The following RASGRF1 variants were observed in gnomAD, a reference collection of about 807,000 sequenced individuals.
RASGRF1 encodes ras-specific guanine nucleotide-releasing factor 1.
In RASGRF1, 40 loss-of-function variants were observed where a neutral mutation model predicts 138.7. The observed-to-expected ratio is 0.29, with a 90% CI of 0.22 to 0.38. The LOEUF (loss-of-function observed/expected upper bound fraction) is 0.38. Among genes scored for constraint, RASGRF1 ranks in the 10% least tolerant of loss-of-function variants. The probability of loss-of-function intolerance (pLI) is 1.00; values close to 1 mark genes in which losing one functional copy is unlikely to be tolerated. For synonymous variants in RASGRF1, 614 were observed against 663.2 expected, an observed-to-expected ratio of 0.93 and a Z score of 1.14; for missense variants, 1,108 against 1,650.4, an observed-to-expected ratio of 0.67 and a Z score of 5.69.
intron 2 of RASGRF1, among the ~76,000 whole-genome samples, chr15:79,062,794 T>A (rs1167906840): frequency 6.6e-6 from 1 of 152,150 alleles, no homozygotes; most frequent in Non-Finnish European, 1.5e-5. Context: ...TTTGCCCACT[T>A]TGGCCTCCTA....
intron 19 of RASGRF1, 105 bp from the exon 20 acceptor site, chr15:78,995,905 T>C (rs1421915290): frequency 9.3e-7 from 1 of 1,071,166 alleles, no homozygotes; most frequent in African/African-American, 1.6e-5. Context: ...CCCTCTGTCC[T>C]CGTCATCCCC....
At chr15:79,085,173 T>C (rs569874995) in intron 1 of RASGRF1, among the ~76,000 whole-genome samples, 2 of 152,348 alleles carry the variant, frequency 1.3e-5, no homozygotes, top group South Asian at 4.1e-4. Flanking sequence ...ATGCACGTGA[T>C]GACAGAGGTG....
At chr15:79,087,943 C>T (rs1442282238) in intron 1 of RASGRF1, among the ~76,000 whole-genome samples, 5 of 152,194 alleles carry the variant, frequency 3.3e-5, no homozygotes, top group African/African-American at 9.7e-5. Context: ...GGGCTGCTCT[C>T]GTGAACAAAC....
Position 79,073,867 on chromosome 15 carries a change from C to T in RASGRF1, c.277-9341G>A, listed in dbSNP as rs1241365222. Among the ~76,000 whole-genome samples the T allele has an allele frequency of 6.6e-6, 1 of 152,240 alleles. No homozygotes were observed. Among genetic ancestry groups the T allele is most frequent in the Non-Finnish European group, 1.5e-5 (1 of 68,046 alleles). On this transcript the variant is annotated intron_variant, in intron 1 of 26. Transcript: ENST00000558480. This position sits in a 1 kb window ranked among gnomAD's most constrained non-coding sequence, Gnocchi z 4.2. ...TAGGACTGTAAGTTCTTGGGCTCCA[C>T]CCCAGACCTCTGTTTTGAAACAAGC...
chr15:78,973,969 A>G lies in RASGRF1; in HGVS notation c.3495-549T>C, dbSNP rs944673865. 6.6e-6 allele frequency among the ~76,000 whole-genome samples: 1 copy of G among 152,172 alleles called. No individual in the cohort carries two copies. The highest frequency in any genetic ancestry group is 2.4e-5 in the African/African-American group (1 of 41,436). ...ACTGGGCTTGGGTGCCAGGGCAGGA[A>G]ACCCTTGCTCTCTGAGATCACTTTC... is the stretch of plus-strand genomic sequence containing the variant. On this transcript the variant is annotated intron_variant, in intron 24 of 26. Transcript: ENST00000558480. The surrounding 1 kb of genome is among the most constrained non-coding windows in gnomAD (Gnocchi z 4.9).
At chr15:78,994,405 C>T (rs527858348) in intron 20 of RASGRF1, among the ~76,000 whole-genome samples, 48 of 152,326 alleles carry the variant, frequency 3.2e-4, no homozygotes, top group African/African-American at 1.1e-3. Flanking sequence ...AGCAGGGGCC[C>T]AGAACCCAGA....
intron 20 of RASGRF1, among the ~76,000 whole-genome samples, chr15:78,993,234 G>A (rs1441572368): frequency 3.6e-5 from 4 of 111,838 alleles, no homozygotes; most frequent in Non-Finnish European, 8.1e-5. Flanking sequence ...TGTGGGTGAT[G>A]TGTGTGTGTG....
intron 26 of RASGRF1, among the ~76,000 whole-genome samples, chr15:78,963,492 G>C (rs1180958745): frequency 6.6e-6 from 1 of 152,062 alleles, no homozygotes; most frequent in Non-Finnish European, 1.5e-5. Flanking sequence ...AGTAGAGACA[G>C]GGTTTTGCCA....
chr15:79,085,399 G>T (rs962782034), intron 1 of RASGRF1, among the ~76,000 whole-genome samples: 2 of 152,166 alleles, frequency 1.3e-5, no homozygotes, highest in Non-Finnish European at 2.9e-5. Flanking sequence ...GCAAAGGGTG[G>T]ATCTTACTGG....
intron 1 of RASGRF1, among the ~76,000 whole-genome samples, chr15:79,088,071 T>C (rs2058005602): frequency 6.6e-6 from 1 of 152,210 alleles, no homozygotes; most frequent in South Asian, 2.1e-4. Flanking sequence ...ATTCAATACC[T>C]GGGCCAAGAG....
At chr15:79,049,160 T>G (rs1332250021) in intron 4 of RASGRF1, among the ~76,000 whole-genome samples, 1 of 152,022 alleles carries the variant, frequency 6.6e-6, no homozygotes, top group Non-Finnish European at 1.5e-5. Context: ...CTGGGGGTCT[T>G]GGCAAGGTGA....
intron 5 of RASGRF1, among the ~76,000 whole-genome samples, chr15:79,040,382 C>T (rs537572331): frequency 6.6e-6 from 1 of 152,194 alleles, no homozygotes; most frequent in Non-Finnish European, 1.5e-5. Flanking sequence ...GCCCCTGGTC[C>T]ACCCATTCTC....
chr15:79,019,975 T>G, intron 11 of RASGRF1, 66 bp downstream of exon 11: 1 of 1,587,238 alleles, frequency 6.3e-7, no homozygotes, highest in Non-Finnish European at 8.6e-7. Context: ...TGGCCCAACC[T>G]TTAGGAGTGA....
chr15:78,991,626 C>T, intron 21 of RASGRF1, 65 bp downstream of exon 21: 1 of 1,309,676 alleles, frequency 7.6e-7, no homozygotes, highest in Non-Finnish European at 1.1e-6. Flanking sequence ...CGTGTGCTTC[C>T]AGGGTGCTGT....
intron 1 of RASGRF1, among the ~76,000 whole-genome samples, chr15:79,078,247 G>A (rs569904488): frequency 5.3e-5 from 8 of 149,652 alleles, no homozygotes; most frequent in Admixed American, 2.0e-4. Flanking sequence ...AGGCCCCCCC[G>A]GCCCCACCCA....
At chr15:79,056,055 C>A (rs2057506556) in intron 3 of RASGRF1, among the ~76,000 whole-genome samples, 3 of 152,114 alleles carry the variant, frequency 2.0e-5, no homozygotes, top group Non-Finnish European at 2.9e-5. Context: ...CAGGGAGCAC[C>A]CTCTGAGGCA....
intron 1 of RASGRF1, among the ~76,000 whole-genome samples, chr15:79,071,325 C>T (rs577231219): frequency 1.3e-5 from 2 of 152,056 alleles, no homozygotes; most frequent in Admixed American, 6.5e-5. Flanking sequence ...ATTTCTCTCT[C>T]TCTCCTTTGC....
At chr15:79,048,271 G>T (rs1455038985) in intron 4 of RASGRF1, among the ~76,000 whole-genome samples, 2 of 152,172 alleles carry the variant, frequency 1.3e-5, no homozygotes, top group Admixed American at 1.3e-4. Flanking sequence ...GGTGGGGGAT[G>T]TCATAAGGTG....
intron 1 of RASGRF1, among the ~76,000 whole-genome samples, chr15:79,077,709 G>A (rs1301892225): frequency 1.3e-5 from 2 of 152,066 alleles, no homozygotes; most frequent in African/African-American, 2.4e-5. Flanking sequence ...AGTTGTATCC[G>A]TTTTTCCTCT....
Sources: allele counts gnomAD v4.1 joint callset (sites outside exome capture counted in the v4.1 genomes callset), GRCh38; gene constraint gnomAD v4.1.1; non-coding constraint Gnocchi (gnomAD v3.1); transcripts MANE v1.5; gene names NCBI Gene and HGNC (gene_info 2026-07-23, HGNC 2026-07-21).